RASAL2: variants seen among roughly 807,000 people sequenced by gnomAD.
RASAL2 encodes the protein ras GTPase-activating protein nGAP.
A neutral mutation model predicts 128.9 loss-of-function variants in RASAL2; 58 were observed. That is an observed-to-expected ratio of 0.45 (90% CI 0.36 to 0.56). The LOEUF is 0.56. Ranked by LOEUF, RASAL2 falls within the 20% of genes least tolerant of loss-of-function variation. The pLI is 0.00. For missense variants in RASAL2, 1,360 were observed against 1,601.6 expected (o/e 0.85, Z 2.57); for synonymous variants, 561 against 580.8 (o/e 0.97, Z 0.49).
At chr1:178,253,954 C>T (rs778082496) in intron 1 of RASAL2, among the ~76,000 whole-genome samples, 3 of 152,140 alleles carry the variant, frequency 2.0e-5, no homozygotes, top group Non-Finnish European at 2.9e-5. Context: ...GAGACAAATC[C>T]GATCCTGTAA....
intron 14 of RASAL2, among the ~76,000 whole-genome samples, chr1:178,459,571 T>A (rs1243607704): frequency 6.6e-6 from 1 of 152,180 alleles, no homozygotes. Context: ...ATTTGCATTT[T>A]TACAGTTTAG....
chr1:178,315,224 A>C (rs1668449308), intron 3 of RASAL2, among the ~76,000 whole-genome samples: 1 of 148,754 alleles, frequency 6.7e-6, no homozygotes, highest in Non-Finnish European at 1.5e-5. Flanking sequence ...AGTCTTTGCT[A>C]TTGTGAATAA....
At chr1:178,222,749 CTAATGTTAAAAATAATAATTA>C (rs1349941474) in intron 1 of RASAL2, among the ~76,000 whole-genome samples, 2 of 152,062 alleles carry the variant, frequency 1.3e-5, no homozygotes, top group Non-Finnish European at 2.9e-5. Flanking sequence ...AATTGTGATG[CTAATGTTAAAAATAATAATTA>C]TAAAAAACTT....
intron 1 of RASAL2, among the ~76,000 whole-genome samples, chr1:178,189,217 T>A (rs532976003): frequency 2.0e-5 from 3 of 152,326 alleles, no homozygotes; most frequent in African/African-American, 2.4e-5. Flanking sequence ...ATTACAGTTC[T>A]TATATTCCTT....
intron 1 of RASAL2, among the ~76,000 whole-genome samples, chr1:178,246,645 T>C (rs1477603461): frequency 2.0e-5 from 3 of 152,040 alleles, no homozygotes; most frequent in African/African-American, 7.2e-5. Context: ...GTCTTGTGCT[T>C]GTTTTCAAAG....
intron 3 of RASAL2, among the ~76,000 whole-genome samples, chr1:178,317,926 A>G (rs1244572312): frequency 6.6e-6 from 1 of 151,774 alleles, no homozygotes; most frequent in African/African-American, 2.4e-5. Context: ...TCTTGTGGGC[A>G]TTTATTGCTA....
chr1:178,404,093 G>T (rs1673824445), intron 4 of RASAL2, among the ~76,000 whole-genome samples: 1 of 151,810 alleles, frequency 6.6e-6, no homozygotes, highest in Admixed American at 6.6e-5. Context: ...GGGCATGGTG[G>T]TGGGCGCCTG....
rs763168278 is a variant in RASAL2, at chr1:178,439,500, G to A, written c.753G>A (p.Leu251=). The change falls in exon 6 of 18, where the codon CTG becomes CTA. Residue 251 remains leucine (L), a synonymous_variant. Transcript: ENST00000367649. ...GCCCATGCAGCACAGTGGAATGTCTGGATCTTGGTAGAGGGGAACCTGTAT... is the reference window on the plus strand; with the variant it reads ...GCCCATGCAGCACAGTGGAATGTCTAGATCTTGGTAGAGGGGAACCTGTAT... ...LLSPCSTVEC[L]DLGRGEPVSV... is the part of the protein sequence containing the mutation. The A allele has an allele frequency of 1.6e-5, 25 of 1,612,712 alleles. No individual in the cohort carries two copies. Among genetic ancestry groups the A allele is most frequent in the Non-Finnish European group, 1.5e-5 (18 of 1,179,238 alleles).
chr1:178,366,865 G>C (rs1671432130), intron 3 of RASAL2, among the ~76,000 whole-genome samples: 2 of 152,062 alleles, frequency 1.3e-5, no homozygotes, highest in South Asian at 4.2e-4. Flanking sequence ...GTCCAGAATA[G>C]GCAAATGCAT....
At chr1:178,228,525 T>C (rs1336405936) in intron 1 of RASAL2, among the ~76,000 whole-genome samples, 1 of 152,126 alleles carries the variant, frequency 6.6e-6, no homozygotes, top group South Asian at 2.1e-4. Flanking sequence ...GAGGTTGCAA[T>C]GAGCCAAGCG....
rs545086182 is a variant in RASAL2 at position 178,246,117 on chromosome 1, A to G, written c.203-37447A>G. ...AGTTCTGTGAAGAAAGTCAGTGGTAACTTGATAGGAATAGCATTGAATTTA... is the reference window on the plus strand; with the variant it reads ...AGTTCTGTGAAGAAAGTCAGTGGTAGCTTGATAGGAATAGCATTGAATTTA... On this transcript the variant is annotated intron_variant, in intron 1 of 17. Coordinates refer to ENST00000367649, the MANE Select transcript of RASAL2 (RefSeq NM_170692.4). Among the ~76,000 whole-genome samples, 36 of 152,150 alleles carry G rather than the reference A, an allele frequency of 2.4e-4. 1 individual carries two copies. Among genetic ancestry groups the G allele is most frequent in the Non-Finnish European group, 4.3e-4 (29 of 68,018 alleles).
intron 4 of RASAL2, among the ~76,000 whole-genome samples, chr1:178,419,206 G>T (rs1674973183): frequency 6.6e-6 from 1 of 152,128 alleles, no homozygotes. Context: ...TCTCAAGAAA[G>T]AGTCATTCTC....
intron 3 of RASAL2, among the ~76,000 whole-genome samples, chr1:178,376,644 A>G (rs1041992059): frequency 5.3e-5 from 8 of 152,122 alleles, no homozygotes; most frequent in Admixed American, 4.6e-4. Flanking sequence ...ATCTTATGCC[A>G]TTTATCACAC....
intron 1 of RASAL2, among the ~76,000 whole-genome samples, chr1:178,156,214 A>G (rs1360449633): frequency 6.6e-6 from 1 of 152,214 alleles, no homozygotes; most frequent in Non-Finnish European, 1.5e-5. Flanking sequence ...CTGAAAGCTT[A>G]TACCTGAATG....
intron 11 of RASAL2, among the ~76,000 whole-genome samples, chr1:178,453,228 A>G (rs987351081): frequency 3.9e-5 from 6 of 152,062 alleles, no homozygotes; most frequent in African/African-American, 1.2e-4. Flanking sequence ...TTTTGGGGGC[A>G]ATGGGTGGAA....
chr1:178,444,170 T>C (rs1676845227), intron 8 of RASAL2, among the ~76,000 whole-genome samples: 1 of 152,162 alleles, frequency 6.6e-6, no homozygotes, highest in Admixed American at 6.6e-5. Context: ...TATTTCTACT[T>C]TTCAGTTGCT....
At chr1:178,121,887 A>G (rs558263271) in intron 1 of RASAL2, among the ~76,000 whole-genome samples, 1 of 152,332 alleles carries the variant, frequency 6.6e-6, no homozygotes, top group East Asian at 1.9e-4. Context: ...ACAAATAGAA[A>G]AAAACCTAAC....
intron 1 of RASAL2, among the ~76,000 whole-genome samples, chr1:178,237,203 G>C (rs1168937917): frequency 6.6e-6 from 1 of 152,104 alleles, no homozygotes; most frequent in Non-Finnish European, 1.5e-5. Flanking sequence ...CAGCTAGTAA[G>C]TTGTGGGTCC....
At chr1:178,409,711 A>G (rs1674236419) in intron 4 of RASAL2, among the ~76,000 whole-genome samples, 1 of 152,150 alleles carries the variant, frequency 6.6e-6, no homozygotes, top group African/African-American at 2.4e-5. Flanking sequence ...GACCAGTCAT[A>G]TGGATCCAGG....
Sources: gnomAD v4.1 joint callset for allele counts (sites outside exome capture counted in the v4.1 genomes callset) on GRCh38, gnomAD v4.1.1 for gene constraint, MANE v1.5 for transcripts, NCBI Gene and HGNC (gene_info 2026-07-23, HGNC 2026-07-21) for gene names.